LETM2: variants seen among roughly 807,000 people sequenced by gnomAD.
LETM2 encodes LETM1 domain-containing protein LETM2, mitochondrial.
A neutral mutation model predicts 59.6 loss-of-function variants in LETM2; 58 were observed. The ratio of observed to expected loss-of-function variants is 0.97; its 90% CI spans 0.79 to 1.21. The LOEUF is 1.21. Among genes scored for constraint, LETM2 ranks in the 50% most tolerant of loss-of-function variants. LETM2 has a pLI of 0.00. For synonymous variants in LETM2, 199 were observed against 214.1 expected (o/e 0.93, Z 0.62); for missense variants, 572 against 575.7 (o/e 0.99, Z 0.07).
At chr8:38,388,359 C>T (rs745491154) in intron 2 of LETM2, among the ~76,000 whole-genome samples, 6 of 151,268 alleles carry the variant, frequency 4.0e-5, no homozygotes, top group South Asian at 2.1e-4. Flanking sequence ...GGATTACAGG[C>T]GTGAGTCACC....
At position 38,394,101 on chromosome 8, in the gene LETM2, T is replaced by A; in HGVS notation, c.505T>A (p.Leu169Met). 1 of 1,469,810 alleles carries A rather than the reference T, an allele frequency of 6.8e-7. No homozygotes were observed. Among genetic ancestry groups the A allele is most frequent in the South Asian group, 1.4e-5 (1 of 72,206 alleles). 91.0% of individuals were successfully genotyped at this position (1,469,810 alleles called of 1,614,324 possible). Residue 169 changes from leucine to methionine, a missense_variant, in exon 4 of 11, where the codon TTG becomes ATG. By Grantham distance (15) the Leu-to-Met change is conservative (BLOSUM62 2). Transcript: ENST00000379957. The stretch of plus-strand genomic sequence containing the variant: ...GCATATGCATTTAATTCTATAGCTG[T>A]TGAGAACTTGTGTTGATTTCTTCCG... ...VLTRRERRRL[L>M]RTCVDFFRLV...
At chr8:38,390,057 C>A (rs1812097713) in intron 2 of LETM2, among the ~76,000 whole-genome samples, 1 of 144,704 alleles carries the variant, frequency 6.9e-6, no homozygotes, top group East Asian at 2.0e-4. Context: ...CTCATCTCTA[C>A]AAAAATTTTT....
chr8:38,392,763 A>G lies in LETM2; in HGVS notation c.269A>G (p.Lys90Arg). ...TGCTGGCTGCAAGAAGTTCCTGGCAAACCTCAGCTGGAGCAAGCCACAAAA... is the reference window on the plus strand; with the variant it reads ...TGCTGGCTGCAAGAAGTTCCTGGCAGACCTCAGCTGGAGCAAGCCACAAAA... ...STCWLQEVPG[K>R]PQLEQATKHP... The change falls in exon 3 of 11, where the codon AAA becomes AGA. Residue 90 changes from lysine (K) to arginine (R), a missense_variant. By Grantham distance (26) the Lys-to-Arg change is conservative. Transcript: ENST00000379957. The G allele has an allele frequency of 6.2e-7, 1 of 1,614,178 alleles. No homozygotes were observed. Among genetic ancestry groups the G allele is most frequent in the South Asian group, 1.1e-5 (1 of 91,076 alleles).
At chr8:38,393,211 T>TA (rs932344048) in intron 3 of LETM2, 34 of 498,124 alleles carry the variant, frequency 6.8e-5, no homozygotes, top group South Asian at 6.4e-5. Flanking sequence ...TAACGGTTTT[T>TA]AAAAAAAACT....
chr8:38,394,284 G>C, intron 4 of LETM2, 43 bp downstream of exon 4: 2 of 1,249,802 alleles, frequency 1.6e-6, no homozygotes, highest in Non-Finnish European at 1.1e-6. Flanking sequence ...AACCTTATTA[G>C]AGGAGTTTTT....
At chr8:38,385,568 AT>A (rs547800850), upstream of LETM2, among the ~76,000 whole-genome samples, 3 of 150,908 alleles carry the variant, frequency 2.0e-5, no homozygotes, top group Non-Finnish European at 1.5e-5. Context: ...TAATTTTTGT[AT>A]TTTTTTTTAG....
chr8:38,400,864 C>G lies in LETM2; in HGVS notation c.795C>G (p.Gly265=), dbSNP rs746509367. The part of the protein sequence containing the change: ...LSSYVKQVQT[G]HKPSTKEIVR... Reference sequence around the variant, plus strand: ...GTCCCACTGCATAGGTCCAGACAGGCCACAAGCCCAGCACAAAGGAGATAG... The same window carrying G: ...GTCCCACTGCATAGGTCCAGACAGGGCACAAGCCCAGCACAAAGGAGATAG... Residue 265 remains glycine (G), a synonymous_variant, in exon 6 of 11, where the codon GGC becomes GGG. Coordinates refer to ENST00000379957, the MANE Select transcript of LETM2 (RefSeq NM_001286819.2). 5.6e-6 allele frequency: 9 copies of G among 1,614,008 alleles called. No individual in the cohort carries two copies. The highest frequency in any genetic ancestry group is 3.3e-5 in the Admixed American group (2 of 59,998).
intron 4 of LETM2, among the ~76,000 whole-genome samples, chr8:38,396,806 G>A (rs1585993952): frequency 6.6e-6 from 1 of 152,222 alleles, no homozygotes; most frequent in African/African-American, 2.4e-5. Context: ...CCAGCTACTT[G>A]GGAGGCTGAA....
rs145867034 is a variant in LETM2 at position 38,402,604 on chromosome 8, T to C, written c.1064T>C (p.Leu355Pro). The change falls in exon 7 of 11, where the codon CTG becomes CCG. Residue 355 changes from leucine (L) to proline (P), a missense_variant. By Grantham distance (98) the Leu-to-Pro change is moderately conservative. Transcript: ENST00000379957. ...AACRARGMRSLGLTEEQLRQQ... is the reference protein window; with the variant it reads ...AACRARGMRSPGLTEEQLRQQ... ...TGTAGGGCCCGAGGGATGAGATCAC[T>C]GGGTCTCACGGAGGAACAACTGCGA... 2 of 1,614,050 alleles carry C rather than the reference T, an allele frequency of 1.2e-6. No individual in the cohort carries two copies. The highest frequency in any genetic ancestry group is 1.7e-6 in the Non-Finnish European group (2 of 1,179,900).
intron 6 of LETM2, chr8:38,401,425 C>T (rs1027846262): frequency 4.1e-6 from 1 of 242,592 alleles, no homozygotes; most frequent in Non-Finnish European, 8.2e-6. Context: ...GTGTGACCAC[C>T]ATGCCTGGGT....
chr8:38,402,641 G>A lies in LETM2; in HGVS notation c.1101G>A (p.Thr367=), dbSNP rs767251174. 4.2e-5 allele frequency: 67 copies of A among 1,614,022 alleles called. No individual in the cohort carries two copies. The highest frequency in any genetic ancestry group is 9.3e-5 in the African/African-American group (7 of 75,034). Residue 367 remains threonine, a synonymous_variant, in exon 7 of 11, where the codon ACG becomes ACA. Coordinates refer to ENST00000379957, the MANE Select transcript of LETM2 (RefSeq NM_001286819.2). ...LTEEQLRQQL[T]EWQDLHLKEN... is the part of the protein sequence containing the mutation. The stretch of plus-strand genomic sequence containing the variant: ...AGGAACAACTGCGACAACAGCTCAC[G>A]GAGGCAAGTAGCAGCGCCCCTCTGG...
rs749732216 is a variant in LETM2, at chr8:38,408,249, GC to G, written c.1452del (p.Ser484ArgfsTer35). The G allele has an allele frequency of 6.2e-7, 1 of 1,613,192 alleles. No individual in the cohort carries two copies. The highest frequency in any genetic ancestry group is 8.5e-7 in the Non-Finnish European group (1 of 1,179,672). On this transcript the variant is annotated frameshift_variant, in exon 11 of 11. Transcript: ENST00000379957. LOFTEE classifies it high-confidence loss of function. ...QAKSQMTAQN[S>X]KASSKGA is the part of the protein sequence containing the mutation. Reference sequence around the variant, plus strand: ...AAATCACAAATGACGGCCCAGAACAGCAAGGCTAGTTCAAAAGGAGCATAAA... The same window carrying G: ...AAATCACAAATGACGGCCCAGAACAGAAGGCTAGTTCAAAAGGAGCATAAA...
In LETM2 at chr8:38,404,415, A is replaced by T; in HGVS notation, c.1127A>T (p.Glu376Val). 6.2e-7 allele frequency: 1 copy of T among 1,613,670 alleles called. No individual in the cohort carries two copies. The highest frequency in any genetic ancestry group is 8.5e-7 in the Non-Finnish European group (1 of 1,179,636). Residue 376 changes from glutamate (E) to valine (V), a missense_variant, in exon 8 of 11, where the codon GAG becomes GTG. Coordinates refer to ENST00000379957, the MANE Select transcript of LETM2 (RefSeq NM_001286819.2). ...LTEWQDLHLK[E>V]NVPPSLLLLS... is the part of the protein sequence containing the mutation. ...CAGTGGCAGGACCTCCACCTGAAGG[A>T]GAACGTCCCTCCTTCCCTTTTGCTC...
chr8:38,400,680 C>CT (rs1813127685), intron 5 of LETM2, 173 bp from the exon 6 acceptor site: 1 of 687,744 alleles, frequency 1.5e-6, no homozygotes, highest in Non-Finnish European at 2.4e-6. Flanking sequence ...CCTGATTTTT[C>CT]AGCTGATGTA....
intron 8 of LETM2, among the ~76,000 whole-genome samples, chr8:38,405,061 G>A (rs1034097678): frequency 6.6e-6 from 1 of 152,216 alleles, no homozygotes. Flanking sequence ...GCTTGATTGA[G>A]AATTTTACTA....
chr8:38,400,455 T>C (rs1813100998), intron 5 of LETM2, 46 bp downstream of exon 5: 1 of 1,518,498 alleles, frequency 6.6e-7, no homozygotes, highest in African/African-American at 1.4e-5. Context: ...GGCTGGGCGT[T>C]CTATGAAAAA....
intron 6 of LETM2, among the ~76,000 whole-genome samples, 196 bp downstream of exon 6, chr8:38,401,249 A>G (rs925855820): frequency 6.6e-6 from 1 of 152,080 alleles, no homozygotes; most frequent in African/African-American, 2.4e-5. Flanking sequence ...TGATTCTCAC[A>G]CCTCAGCCTC....
chr8:38,384,654 A>G (rs922933859), upstream of LETM2, among the ~76,000 whole-genome samples: 1 of 152,230 alleles, frequency 6.6e-6, no homozygotes, highest in Non-Finnish European at 1.5e-5. Flanking sequence ...GCCAAGTCTC[A>G]TAACTAGGGA....
In LETM2 at chr8:38,407,009, G is replaced by C. The variant is rs745425021; in HGVS notation, c.1282G>C (p.Asp428His). ...TFTESKENMVDLAPQLKGTKD... is the reference protein window; with the variant it reads ...TFTESKENMVHLAPQLKGTKD... ...CACTGAATCTAAAGAGAACATGGTG[G>C]ATCTTGCACCTCAACTGAAGGGAAC... The change falls in exon 9 of 11, where the codon GAT becomes CAT. Residue 428 changes from aspartate (D) to histidine (H), a missense_variant. Transcript: ENST00000379957. 1 of 1,610,820 alleles carries C rather than the reference G, an allele frequency of 6.2e-7. No individual in the cohort carries two copies. The highest frequency in any genetic ancestry group is 1.1e-5 in the South Asian group (1 of 91,004).
Sources: gnomAD v4.1 joint callset for allele counts (sites outside exome capture counted in the v4.1 genomes callset) on GRCh38, gnomAD v4.1.1 for gene constraint, MANE v1.5 for transcripts, NCBI Gene and HGNC (gene_info 2026-07-23, HGNC 2026-07-21) for gene names.